The following ADH7 variants were observed in gnomAD, a reference collection of about 807,000 sequenced individuals.
ADH7 encodes alcohol dehydrogenase 7 (class IV), mu or sigma polypeptide, also known as all-trans-retinol dehydrogenase [NAD(+)] ADH7.
ADH7 carries 41 observed loss-of-function variants against 34.4 expected under a neutral mutation model. The observed-to-expected ratio is 1.19, with a 90% CI of 0.93 to 1.55. The LOEUF (loss-of-function observed/expected upper bound fraction) is 1.55. ADH7 is among the 40% of genes most tolerant of loss of function. ADH7 has a pLI of 0.00. For missense variants in ADH7, 540 were observed against 461.2 expected, an observed-to-expected ratio of 1.17 and a Z score of -1.56; for synonymous variants, 180 against 160.9, an observed-to-expected ratio of 1.12 and a Z score of -0.90.
At chr4:99,432,165 G>C (rs1721950259) in intron 1 of ADH7, among the ~76,000 whole-genome samples, 1 of 152,058 alleles carries the variant, frequency 6.6e-6, no homozygotes, top group African/African-American at 2.4e-5. Context: ...TTCTTTGCAG[G>C]GACATGGAAG....
At chr4:99,423,585 T>C (rs932489408) in intron 5 of ADH7, among the ~76,000 whole-genome samples, 7 of 152,176 alleles carry the variant, frequency 4.6e-5, no homozygotes, top group African/African-American at 2.4e-5. Flanking sequence ...TGGTGTGAGA[T>C]GGTATCTCAT....
At chr4:99,429,097 A>G (rs569361964) in intron 2 of ADH7, among the ~76,000 whole-genome samples, 15 of 152,218 alleles carry the variant, frequency 9.9e-5, no homozygotes, top group Non-Finnish European at 2.1e-4. Context: ...ACTGGTGTCC[A>G]AAGCCAAGGT....
chr4:99,428,662 C>G (rs750563423), intron 2 of ADH7, 32 bp from the exon 3 acceptor site: 25 of 1,597,980 alleles, frequency 1.6e-5, no homozygotes, highest in Non-Finnish European at 2.1e-5. Context: ...TTGCACCAAT[C>G]AACAAACTGA....
At chr4:99,425,598 C>G (rs998407320) in intron 5 of ADH7, among the ~76,000 whole-genome samples, 15 of 152,042 alleles carry the variant, frequency 9.9e-5, no homozygotes, top group African/African-American at 3.4e-4. Context: ...TAGACTCCCA[C>G]ACAATAATAA....
rs376612553 is a variant in ADH7, at chr4:99,419,156, G to A, written c.826-35C>T. On this transcript the variant is annotated intron_variant, in intron 6 of 8. Transcript: ENST00000437033. ...AAACGGAGGAGATCGTTTGCTTCCTGTGTCTCTTACAGTGTGACATAAGCT... is the reference window on the plus strand; with the variant it reads ...AAACGGAGGAGATCGTTTGCTTCCTATGTCTCTTACAGTGTGACATAAGCT... 6.9e-6 allele frequency: 11 copies of A among 1,601,934 alleles called. No individual in the cohort carries two copies. The African/African-American group carries it at 9.4e-5, about 14-fold the overall frequency.
intron 8 of ADH7, 75 bp downstream of exon 8, chr4:99,415,403 C>T: frequency 7.1e-7 from 1 of 1,412,020 alleles, no homozygotes. Flanking sequence ...ATGAAGAAAA[C>T]AGGCACATTT....
At chr4:99,420,976 A>G (rs1721644999) in intron 5 of ADH7, among the ~76,000 whole-genome samples, 183 bp from the exon 6 acceptor site, 1 of 152,236 alleles carries the variant, frequency 6.6e-6, no homozygotes, top group Non-Finnish European at 1.5e-5. Flanking sequence ...GGAGAATTAC[A>G]AACCACTGCT....
In ADH7 at chr4:99,412,900, G is replaced by A. The variant is rs544240324; in HGVS notation, c.*248C>T. The A allele has an allele frequency of 5.3e-4, 205 of 386,914 alleles. No homozygotes were observed. Among genetic ancestry groups the A allele is most frequent in the African/African-American group, 3.5e-3 (167 of 47,740 alleles). The allele number at this position is 386,914 out of a possible 1,614,324, so 24.0% of individuals were successfully genotyped here. A position where few individuals can be genotyped will look rare whatever the true frequency, so the allele number is the denominator to read the frequency against. Reference sequence around the variant, plus strand: ...AATCCAAGTGTATGTTTTCTTAAAAGATACAATTATAGCCTTACAAAATGT... The same window carrying A: ...AATCCAAGTGTATGTTTTCTTAAAAAATACAATTATAGCCTTACAAAATGT... On this transcript the variant is annotated 3_prime_UTR_variant, in exon 9 of 9. Transcript: ENST00000437033.
In ADH7 at chr4:99,415,616, C is replaced by A. The variant is rs147424627; in HGVS notation, c.962G>T (p.Gly321Val). ...GRTWKGCVFG[G>V]LKSRDDVPKL... ...TGGGACATCATCTCTGCTTTTCAAA[C>A]CTGCAAATAAGCACACATTTTCTCT... is the stretch of plus-strand genomic sequence containing the variant. The change falls in exon 8 of 9, where the codon GGT becomes GTT. Residue 321 changes from glycine (G) to valine (V), a missense_variant and splice_region_variant. By Grantham distance (109) the Gly-to-Val change is moderately radical. Transcript: ENST00000437033. 53 of 1,611,856 alleles carry A rather than the reference C, an allele frequency of 3.3e-5. No individual in the cohort carries two copies. The highest frequency in any genetic ancestry group is 4.3e-5 in the Non-Finnish European group (51 of 1,179,076).
Position 99,420,601 on chromosome 4 carries a change from C to T in ADH7, c.757G>A (p.Val253Met). 2 of 1,613,924 alleles carry T rather than the reference C, an allele frequency of 1.2e-6. No homozygotes were observed. Among genetic ancestry groups the T allele is most frequent in the Non-Finnish European group, 1.7e-6 (2 of 1,179,916 alleles). The change falls in exon 6 of 9, where the codon GTG (valine) becomes ATG (methionine). Residue 253 changes from valine (V) to methionine (M), a missense_variant. By Grantham distance (21) the Val-to-Met change is conservative. Coordinates refer to ENST00000437033, the MANE Select transcript of ADH7 (RefSeq NM_000673.7). ...PKDSTKPISE[V>M]LSEMTGNNVG... Reference sequence around the variant, plus strand: ...TTGTTGCCTGTCATTTCTGACAGCACCTCACTGATGGGTTTGGTAGAGTCC... The same window carrying T: ...TTGTTGCCTGTCATTTCTGACAGCATCTCACTGATGGGTTTGGTAGAGTCC...
intron 1 of ADH7, among the ~76,000 whole-genome samples, chr4:99,434,257 T>C (rs1346327715): frequency 6.6e-6 from 1 of 152,178 alleles, no homozygotes; most frequent in Non-Finnish European, 1.5e-5. Flanking sequence ...TTAATATCCA[T>C]GGGTAGAGTT....
intron 1 of ADH7, 64 bp downstream of exon 1, chr4:99,435,152 G>A: frequency 1.9e-6 from 3 of 1,587,826 alleles, no homozygotes; most frequent in Non-Finnish European, 2.6e-6. Context: ...TGGATTCAAA[G>A]TTCTAAGTAT....
chr4:99,413,306 A>C, intron 8 of ADH7, 134 bp from the exon 9 acceptor site: 1 of 912,344 alleles, frequency 1.1e-6, no homozygotes, highest in Non-Finnish European at 1.7e-6. Flanking sequence ...CTGGGCTCAA[A>C]GTCCTTAACA....
intron 1 of ADH7, among the ~76,000 whole-genome samples, chr4:99,432,091 A>G (rs778987312): frequency 1.6e-4 from 24 of 152,242 alleles, no homozygotes; most frequent in Non-Finnish European, 2.8e-4. Context: ...GCTAGACTAG[A>G]TAAAGAAAAT....
At chr4:99,427,555 T>C (rs1425498376) in intron 5 of ADH7, among the ~76,000 whole-genome samples, 3 of 152,150 alleles carry the variant, frequency 2.0e-5, no homozygotes, top group Non-Finnish European at 4.4e-5. Context: ...GCAAATATAG[T>C]CAATAAATAT....
At chr4:99,430,832 T>G (rs1323595192) in intron 1 of ADH7, among the ~76,000 whole-genome samples, 1 of 152,152 alleles carries the variant, frequency 6.6e-6, no homozygotes, top group Non-Finnish European at 1.5e-5. Flanking sequence ...GCAATCTTGC[T>G]CTGTCGCTAG....
At chr4:99,433,653 G>T (rs1005587608) in intron 1 of ADH7, among the ~76,000 whole-genome samples, 1 of 152,058 alleles carries the variant, frequency 6.6e-6, no homozygotes, top group African/African-American at 2.4e-5. Context: ...CAATATGGCT[G>T]GTGTCTTTAT....
chr4:99,426,624 A>C (rs1318487390), intron 5 of ADH7, among the ~76,000 whole-genome samples: 11 of 152,240 alleles, frequency 7.2e-5, no homozygotes, highest in East Asian at 1.9e-4. Context: ...CGAATTCTAC[A>C]AGAGGTACAA....
chr4:99,423,626 C>G (rs1354618821), intron 5 of ADH7, among the ~76,000 whole-genome samples: 1 of 152,150 alleles, frequency 6.6e-6, no homozygotes, highest in Non-Finnish European at 1.5e-5. Context: ...CTCTGATGGC[C>G]AGTGATGGTG....
Sources: gnomAD v4.1 joint callset for allele counts (sites outside exome capture counted in the v4.1 genomes callset) on GRCh38, gnomAD v4.1.1 for gene constraint, MANE v1.5 for transcripts, NCBI Gene and HGNC (gene_info 2026-07-23, HGNC 2026-07-21) for gene names.